Variants in HDAC9 observed in about 807,000 individuals in gnomAD.
HDAC9 encodes MEF-2 interacting transcription repressor (MITR) protein.
HDAC9 carries 41 observed loss-of-function variants against 139.4 expected under a neutral mutation model. The ratio of observed to expected loss-of-function variants is 0.29; its 90% confidence interval spans 0.23 to 0.38. The LOEUF (loss-of-function observed/expected upper bound fraction) is 0.38, where lower values mean the gene tolerates loss of function less well. HDAC9 is among the 10% of genes least tolerant of loss of function. The pLI is 1.00. For synonymous variants in HDAC9, 517 were observed against 476.2 expected, an observed-to-expected ratio of 1.09 and a Z score of -1.12; for missense variants, 1,147 against 1,297.0, an observed-to-expected ratio of 0.88 and a Z score of 1.78.
chr7:18,791,512 A>C (rs1792307838), intron 16 of HDAC9, among the ~76,000 whole-genome samples: 1 of 152,206 alleles, frequency 6.6e-6, no homozygotes, highest in Non-Finnish European at 1.5e-5. Flanking sequence ...TTGGTTCAGT[A>C]AAATAATAAA....
chr7:18,723,894 A>C (rs1785328980), intron 12 of HDAC9, among the ~76,000 whole-genome samples: 1 of 152,168 alleles, frequency 6.6e-6, no homozygotes, highest in Admixed American at 6.6e-5. Flanking sequence ...TGCACAGACA[A>C]AATAATATGG....
chr7:18,112,565 A>T (rs2697901), intron 1 of HDAC9, among the ~76,000 whole-genome samples: 117,102 of 152,142 alleles, frequency 0.77, 46,852 homozygotes, highest in Non-Finnish European at 0.88. Context: ...AAATATTATT[A>T]GTGTCAGAAC....
At chr7:18,694,125 G>A (rs17139675) in intron 12 of HDAC9, among the ~76,000 whole-genome samples, 37,310 of 151,994 alleles carry the variant, frequency 0.25, 8,487 homozygotes, top group African/African-American at 0.59. Context: ...AAATGATGAC[G>A]TTTTTAATTC....
At chr7:18,525,246 G>A (rs1201345849) in intron 2 of HDAC9, among the ~76,000 whole-genome samples, 1 of 151,816 alleles carries the variant, frequency 6.6e-6, no homozygotes, top group Non-Finnish European at 1.5e-5. Context: ...GACTTGGATA[G>A]AGACCAGATA....
intron 1 of HDAC9, among the ~76,000 whole-genome samples, chr7:18,332,828 A>G (rs1158695476): frequency 6.6e-6 from 1 of 151,574 alleles, no homozygotes; most frequent in Admixed American, 6.6e-5. Flanking sequence ...TGAGAAATCA[A>G]CATACACCTT....
chr7:18,411,377 CTTCTT>C (rs764506818), intron 1 of HDAC9, among the ~76,000 whole-genome samples: 53 of 152,166 alleles, frequency 3.5e-4, no homozygotes, highest in African/African-American at 1.0e-3. Context: ...AAATATTAGA[CTTCTT>C]TTCTTTTTTT....
chr7:18,490,555 C>G (rs550967664), intron 1 of HDAC9, among the ~76,000 whole-genome samples: 30 of 152,132 alleles, frequency 2.0e-4, no homozygotes, highest in Admixed American at 1.8e-3. Flanking sequence ...CTCAGAAGAC[C>G]ATTTGTTATC....
At chr7:18,558,214 A>C (rs1192690101) in intron 2 of HDAC9, among the ~76,000 whole-genome samples, 2 of 152,170 alleles carry the variant, frequency 1.3e-5, no homozygotes, top group Non-Finnish European at 2.9e-5. Context: ...TTATTCTTAG[A>C]ATCCTCAGAA....
chr7:18,377,468 T>G (rs956814093), intron 1 of HDAC9, among the ~76,000 whole-genome samples: 5 of 152,238 alleles, frequency 3.3e-5, no homozygotes, highest in African/African-American at 1.2e-4. Flanking sequence ...AACTACTGAT[T>G]TAGGAAGATT....
rs1451282708 is a variant in HDAC9 at position 18,737,001 on chromosome 7, G to C, written c.1909+9244G>C. ...TCCAGGAATTTATCCATTTCTTCTAGATTTTCTAGTTTATTTGCATAGAGG... is the reference window on the plus strand; with the variant it reads ...TCCAGGAATTTATCCATTTCTTCTACATTTTCTAGTTTATTTGCATAGAGG... On this transcript the variant is annotated intron_variant, in intron 13 of 25. Transcript: ENST00000686413. Among the ~76,000 whole-genome samples, 8 of 152,286 alleles carry C rather than the reference G, an allele frequency of 5.3e-5. No individual in the cohort carries two copies. In the East Asian group the frequency reaches 1.5e-3, roughly 29 times the overall value.
rs1283462657 is a variant in HDAC9 at position 18,264,037 on chromosome 7, CA to C, written c.25+101692del. 2.6e-5 allele frequency among the ~76,000 whole-genome samples: 4 copies of C among 152,198 alleles called. No individual in the cohort carries two copies. The East Asian group carries it at 7.7e-4, about 29-fold the overall frequency. Reference sequence around the variant, plus strand: ...TAGGAATTGTAAACATTTATGCACCCAAAATGTATGACACAAAATTGACAGA... The same window carrying C: ...TAGGAATTGTAAACATTTATGCACCCAAATGTATGACACAAAATTGACAGA... On this transcript the variant is annotated intron_variant, in intron 2 of 12. Coordinates refer to the HDAC9 transcript ENST00000417496.
At chr7:18,622,059 G>A (rs1393411489) in intron 6 of HDAC9, among the ~76,000 whole-genome samples, 3 of 152,106 alleles carry the variant, frequency 2.0e-5, no homozygotes, top group African/African-American at 7.2e-5. Flanking sequence ...ATAAGTATTT[G>A]GTTCCAAGTA....
chr7:18,353,981 T>G (rs1783058457), intron 1 of HDAC9, among the ~76,000 whole-genome samples: 1 of 152,184 alleles, frequency 6.6e-6, no homozygotes. Context: ...TGTTAGTGTA[T>G]GCACATTCTA....
At chr7:18,824,649 A>G (rs1335985602) in intron 17 of HDAC9, among the ~76,000 whole-genome samples, 3 of 152,220 alleles carry the variant, frequency 2.0e-5, no homozygotes, top group Non-Finnish European at 4.4e-5. Flanking sequence ...AGAGTCAGAG[A>G]ACTGAGAAAT....
chr7:18,592,444 A>T (rs931853724), intron 5 of HDAC9, among the ~76,000 whole-genome samples: 4 of 152,296 alleles, frequency 2.6e-5, no homozygotes, highest in African/African-American at 9.6e-5. Flanking sequence ...TCATATATGG[A>T]TAATAAACTA....
intron 1 of HDAC9, among the ~76,000 whole-genome samples, chr7:18,422,746 A>G (rs1157496297): frequency 0.026 from 392 of 14,964 alleles, 3 homozygotes; most frequent in Middle Eastern, 0.25. Context: ...ACACACGCGC[A>G]CACACACACA....
intron 2 of HDAC9, among the ~76,000 whole-genome samples, chr7:18,196,484 C>G (rs1482936421): frequency 6.6e-6 from 1 of 152,096 alleles, no homozygotes; most frequent in Non-Finnish European, 1.5e-5. Context: ...TGTTGAGGAG[C>G]GAATTGGCAT....
At chr7:18,853,587 A>T (rs1288153904) in intron 21 of HDAC9, among the ~76,000 whole-genome samples, 18 of 152,186 alleles carry the variant, frequency 1.2e-4, no homozygotes. Context: ...TACTGTGTTA[A>T]TGAGAATTAA....
intron 2 of HDAC9, among the ~76,000 whole-genome samples, chr7:18,532,821 GT>G (rs59616224): frequency 0.46 from 68,497 of 148,074 alleles, 16,525 homozygotes; most frequent in African/African-American, 0.61. Flanking sequence ...GCTTTCTTCT[GT>G]TTTTTTTTTT....
Sources: allele counts gnomAD v4.1 joint callset (sites outside exome capture counted in the v4.1 genomes callset), GRCh38; gene constraint gnomAD v4.1.1; transcripts MANE v1.5; gene names NCBI Gene and HGNC (gene_info 2026-07-23, HGNC 2026-07-21).